Variants in RBM10 observed in about 807,000 individuals in gnomAD.
RBM10 encodes RNA binding motif protein 10, also known as RNA-binding protein 10.
Under a neutral mutation model 84.9 loss-of-function variants are expected in RBM10, and 1 was observed. That is an observed-to-expected ratio of 0.01 (90% CI 0.00 to 0.06). The LOEUF (loss-of-function observed/expected upper bound fraction) is 0.06, where lower values mean the gene tolerates loss of function less well. Ranked by LOEUF, RBM10 falls within the 10% of genes least tolerant of loss-of-function variation. The pLI is 1.00. For synonymous variants in RBM10, 326 were observed against 344.5 expected (o/e 0.95, Z 0.60); for missense variants, 438 against 839.0 (o/e 0.52, Z 5.90).
chrX:47,151,058 AT>A (rs781835734), intron 2 of RBM10, among the ~76,000 whole-genome samples: 1 of 47,776 alleles, frequency 2.1e-5, no homozygotes, highest in Admixed American at 3.5e-4. Context: ...AGTCACTTTC[AT>A]TATCTTTTTT....
intron 12 of RBM10, 47 bp downstream of exon 12, chrX:47,180,553 C>G: frequency 1.7e-6 from 2 of 1,195,531 alleles, no homozygotes; most frequent in Non-Finnish European, 2.3e-6. Flanking sequence ...CCTGGGCTTT[C>G]TCAACCCTCC....
At chrX:47,159,606 C>T (rs115886828) in intron 2 of RBM10, among the ~76,000 whole-genome samples, 1,127 of 111,246 alleles carry the variant, frequency 0.01, 7 homozygotes, top group African/African-American at 0.035. Flanking sequence ...ATCAAAATAG[C>T]ATGGTCCTGG....
intron 2 of RBM10, chrX:47,157,020 A>C: frequency 6.8e-6 from 2 of 295,312 alleles, no homozygotes; most frequent in South Asian, 7.3e-5. Context: ...ATGCTGCCCC[A>C]TCTGGTTGTT....
chrX:47,183,718 T>C (rs1935700703), intron 17 of RBM10, among the ~76,000 whole-genome samples: 1 of 110,735 alleles, frequency 9.0e-6, no homozygotes, highest in African/African-American at 3.3e-5. Flanking sequence ...TTTTTTGAGA[T>C]GGAGTTTCGC....
chrX:47,159,637 C>A (rs1569175606), intron 2 of RBM10, among the ~76,000 whole-genome samples: 1 of 110,925 alleles, frequency 9.0e-6, no homozygotes, highest in African/African-American at 3.3e-5. Flanking sequence ...GACACATAAA[C>A]CAGTGGAACA....
At chrX:47,159,490 G>A (rs782632706) in intron 2 of RBM10, among the ~76,000 whole-genome samples, 4 of 110,149 alleles carry the variant, frequency 3.6e-5, no homozygotes, top group African/African-American at 6.6e-5. Flanking sequence ...GTATATACCC[G>A]GTAGCAGGAT....
At chrX:47,152,816 C>CACAT (rs1932848957) in intron 2 of RBM10, among the ~76,000 whole-genome samples, 1 of 99,912 alleles carries the variant, frequency 1.0e-5, no homozygotes, top group African/African-American at 3.9e-5. Flanking sequence ...CACACACACA[C>CACAT]GTTTTTTTTA....
chrX:47,149,005 TATAG>T (rs782804799), intron 2 of RBM10, among the ~76,000 whole-genome samples: 23 of 110,164 alleles, frequency 2.1e-4, no homozygotes, highest in Non-Finnish European at 2.9e-4. Context: ...AAATGTATCA[TATAG>T]ATACATGTAT....
intron 2 of RBM10, among the ~76,000 whole-genome samples, chrX:47,147,797 G>A (rs1338571460): frequency 9.0e-6 from 1 of 110,851 alleles, no homozygotes; most frequent in Non-Finnish European, 1.9e-5. Context: ...GGGGTATGAG[G>A]GATGGGTGGG....
intron 14 of RBM10, 27 bp downstream of exon 14, chrX:47,181,673 C>T (rs782118859): frequency 8.3e-7 from 1 of 1,207,230 alleles, no homozygotes; most frequent in Non-Finnish European, 1.1e-6. Flanking sequence ...GGTATGTATC[C>T]CGGGGAGGCA....
At chrX:47,185,240 A>C (rs2147212335) in intron 18 of RBM10, 36 bp downstream of exon 18, 1 of 1,211,650 alleles carries the variant, frequency 8.3e-7, no homozygotes, top group Non-Finnish European at 1.1e-6. Context: ...CCTGCCCCAC[A>C]ATCTTGTCCT....
chrX:47,147,408 G>A lies in RBM10; in HGVS notation c.-74G>A, dbSNP rs781997643. The A allele has an allele frequency of 2.6e-5, 32 of 1,208,615 alleles. No individual in the cohort carries two copies. Among genetic ancestry groups the A allele is most frequent in the Non-Finnish European group, 2.6e-5 (23 of 893,385 alleles). On this transcript the variant is annotated 5_prime_UTR_variant, in exon 2 of 24. Transcript: ENST00000377604. ...CTGGCAGATCATGGTAGCAGCAGCG[G>A]GGGTGGCTGGGAAGTGAAACGGAGC...
intron 2 of RBM10, among the ~76,000 whole-genome samples, chrX:47,159,207 C>T (rs1319728082): frequency 1.8e-5 from 2 of 111,370 alleles, no homozygotes; most frequent in Admixed American, 9.6e-5. Flanking sequence ...GTAGGGAGTT[C>T]GAGACCAGCC....
intron 1 of RBM10, among the ~76,000 whole-genome samples, chrX:47,145,732 C>T (rs1431982068): frequency 1.1e-5 from 1 of 88,694 alleles, no homozygotes; most frequent in Non-Finnish European, 2.1e-5. Context: ...AAGGGAGGGA[C>T]GGATGGGAGT....
intron 2 of RBM10, among the ~76,000 whole-genome samples, chrX:47,150,147 G>T (rs1556763245): frequency 9.1e-6 from 1 of 109,704 alleles, no homozygotes; most frequent in African/African-American, 3.4e-5. Context: ...TGCTTTATCT[G>T]TTAATGTATA....
At chrX:47,158,649 C>T (rs1933380797) in intron 2 of RBM10, among the ~76,000 whole-genome samples, 3 of 111,385 alleles carry the variant, frequency 2.7e-5, no homozygotes, top group African/African-American at 9.8e-5. Flanking sequence ...TGATCTGCCC[C>T]CCTCGGCCTC....
At chrX:47,162,828 G>A (rs910957983) in intron 2 of RBM10, among the ~76,000 whole-genome samples, 4 of 106,746 alleles carry the variant, frequency 3.7e-5, no homozygotes, top group Admixed American at 1.0e-4. Flanking sequence ...CTGAGATGGC[G>A]CCACCGCACT....
intron 2 of RBM10, chrX:47,157,268 G>A (rs1252556736): frequency 9.5e-6 from 3 of 317,362 alleles, no homozygotes; most frequent in South Asian, 3.1e-5. Context: ...TCTGGACCAC[G>A]GTGTAGGACT....
chrX:47,155,812 CT>C (rs1304134924), intron 2 of RBM10, among the ~76,000 whole-genome samples: 76 of 80,803 alleles, frequency 9.4e-4, no homozygotes, highest in East Asian at 4.4e-3. Context: ...TTCTTTCTTT[CT>C]TTTTTTTTTT....
Sources: allele counts gnomAD v4.1 joint callset (sites outside exome capture counted in the v4.1 genomes callset), GRCh38; gene constraint gnomAD v4.1.1; transcripts MANE v1.5; gene names NCBI Gene and HGNC (gene_info 2026-07-23, HGNC 2026-07-21).